GLCE: variants seen among roughly 807,000 people sequenced by gnomAD.
The protein encoded by GLCE is glucuronic acid epimerase.
Under a neutral mutation model 47.9 loss-of-function variants are expected in GLCE, and 19 were observed. That is an observed-to-expected ratio of 0.40 (90% CI 0.28 to 0.58). The LOEUF (loss-of-function observed/expected upper bound fraction) is 0.58. GLCE is among the 20% of genes least tolerant of loss of function. The pLI is 0.48. For synonymous variants in GLCE, 245 were observed against 263.4 expected (o/e 0.93, Z 0.68); for missense variants, 556 against 743.3 (o/e 0.75, Z 2.93).
At chr15:69,243,073 A>G (rs556752749) in intron 2 of GLCE, among the ~76,000 whole-genome samples, 120 of 150,444 alleles carry the variant, frequency 8.0e-4, no homozygotes, top group Middle Eastern at 3.4e-3. Flanking sequence ...AAAAAAAAAA[A>G]AAAGAAAGAA....
intron 3 of GLCE, among the ~76,000 whole-genome samples, chr15:69,260,138 T>C (rs2052990689): frequency 6.6e-6 from 1 of 151,818 alleles, no homozygotes; most frequent in Non-Finnish European, 1.5e-5. Flanking sequence ...TGGTAAAATA[T>C]ACAAACTAAA....
chr15:69,190,864 A>G (rs1487218475), intron 1 of GLCE, among the ~76,000 whole-genome samples: 1 of 151,634 alleles, frequency 6.6e-6, no homozygotes, highest in Non-Finnish European at 1.5e-5. Context: ...TTTTCTTGGC[A>G]TTCTTTTGGA....
intron 1 of GLCE, among the ~76,000 whole-genome samples, chr15:69,205,971 C>T (rs1286832522): frequency 6.6e-6 from 1 of 151,984 alleles, no homozygotes; most frequent in Non-Finnish European, 1.5e-5. Context: ...AACCAAGAAA[C>T]CAACAGGTGC....
intron 1 of GLCE, among the ~76,000 whole-genome samples, chr15:69,171,875 GA>G (rs772494305): frequency 1.3e-5 from 2 of 152,178 alleles, no homozygotes; most frequent in Admixed American, 6.5e-5. Context: ...AAGGGCCGCT[GA>G]AAGAATTTAC....
intron 1 of GLCE, among the ~76,000 whole-genome samples, chr15:69,177,207 C>T (rs545352953): frequency 2.1e-4 from 32 of 151,706 alleles, no homozygotes; most frequent in South Asian, 8.3e-4. Context: ...TTAGTAGAGA[C>T]GGGGTTTCAC....
intron 2 of GLCE, among the ~76,000 whole-genome samples, chr15:69,253,858 A>G (rs2052883288): frequency 6.6e-6 from 1 of 152,228 alleles, no homozygotes; most frequent in African/African-American, 2.4e-5. Flanking sequence ...TAATGATTTA[A>G]GACAGTAAAG....
rs35017106 is a variant in GLCE, at chr15:69,176,216, G to GTTTTTTTTTTTT, written c.-105+15472_-105+15483dup. On this transcript the variant is annotated intron_variant, in intron 1 of 4. Coordinates refer to ENST00000261858, the MANE Select transcript of GLCE (RefSeq NM_015554.3). The stretch of plus-strand genomic sequence containing the variant: ...ATCTAGTAGTTTTCAGTGGAACCTT[G>GTTTTTTTTTTTT]TTTTTTTTTTTTTTTTTTTTTTTTG... Among the ~76,000 whole-genome samples the GTTTTTTTTTTTT allele has an allele frequency of 2.5e-4, 16 of 63,384 alleles. 2 individuals are homozygous for GTTTTTTTTTTTT. Among genetic ancestry groups the GTTTTTTTTTTTT allele is most frequent in the East Asian group, 5.3e-4 (1 of 1,896 alleles). The allele number at this position is 63,384 out of a possible 152,430, so 41.6% of individuals were successfully genotyped here.
Position 69,270,897 on chromosome 15 carries a change from T to C in GLCE, c.*1653T>C, listed in dbSNP as rs1460721683. 1 of 152,218 alleles carries C rather than the reference T, an allele frequency of 6.6e-6. No homozygotes were observed. Among genetic ancestry groups the C allele is most frequent in the Non-Finnish European group, 1.5e-5 (1 of 68,038 alleles). 9.4% of individuals were successfully genotyped at this position (152,218 alleles called of 1,614,324 possible). On this transcript the variant is annotated 3_prime_UTR_variant, in exon 5 of 5. Coordinates refer to ENST00000261858, the MANE Select transcript of GLCE (RefSeq NM_015554.3). ...TGAGTTATTAGGCTTACCCCTAGCT[T>C]TTGACCTTTGCATTTCATATATGTT...
intron 2 of GLCE, among the ~76,000 whole-genome samples, chr15:69,221,818 A>AC (rs1429514584): frequency 1.4e-5 from 2 of 147,944 alleles, no homozygotes; most frequent in Non-Finnish European, 3.0e-5. Context: ...AGCCAGGATC[A>AC]CGCCACTGTA....
intron 2 of GLCE, among the ~76,000 whole-genome samples, chr15:69,232,231 A>G (rs1258953452): frequency 6.6e-6 from 1 of 152,230 alleles, no homozygotes; most frequent in Non-Finnish European, 1.5e-5. Context: ...TAACGAGTGA[A>G]TCTATAGTGT....
intron 1 of GLCE, chr15:69,194,596 G>A (rs953547998): frequency 6.6e-6 from 1 of 152,022 alleles, no homozygotes; most frequent in African/African-American, 2.4e-5. Flanking sequence ...TGTAGGTATG[G>A]GTTCTGGCAG....
intron 3 of GLCE, among the ~76,000 whole-genome samples, chr15:69,259,132 A>G (rs1254500910): frequency 6.6e-6 from 1 of 152,180 alleles, no homozygotes; most frequent in Non-Finnish European, 1.5e-5. Context: ...TCTCTTTAAC[A>G]ACTAGTGAGG....
chr15:69,211,198 A>G (rs2052229039), intron 2 of GLCE, among the ~76,000 whole-genome samples: 1 of 152,032 alleles, frequency 6.6e-6, no homozygotes, highest in South Asian at 2.1e-4. Context: ...GTTAAATACT[A>G]TGCTTATTTT....
intron 2 of GLCE, among the ~76,000 whole-genome samples, chr15:69,212,803 A>G (rs1305423834): frequency 6.6e-6 from 1 of 152,098 alleles, no homozygotes; most frequent in Admixed American, 6.6e-5. Context: ...TTTTCATATA[A>G]CTGTCAGGGC....
intron 1 of GLCE, chr15:69,197,341 A>G (rs2052009054): frequency 4.0e-6 from 1 of 247,382 alleles, no homozygotes; most frequent in Non-Finnish European, 8.2e-6. Flanking sequence ...CCAAGAGTTT[A>G]TCGAATCCCA....
At chr15:69,254,365 A>G (rs948804722) in intron 2 of GLCE, among the ~76,000 whole-genome samples, 8 of 152,216 alleles carry the variant, frequency 5.3e-5, no homozygotes, top group African/African-American at 1.4e-4. Flanking sequence ...AAGAAGCAAC[A>G]GCATCACATT....
intron 2 of GLCE, among the ~76,000 whole-genome samples, chr15:69,243,589 T>C (rs2052705610): frequency 6.9e-6 from 1 of 144,758 alleles, no homozygotes. Flanking sequence ...AAAAAGCCAA[T>C]TTGTGTTGCA....
At chr15:69,191,114 T>G (rs192102443) in intron 1 of GLCE, among the ~76,000 whole-genome samples, 1 of 152,174 alleles carries the variant, frequency 6.6e-6, no homozygotes, top group Admixed American at 6.6e-5. Flanking sequence ...ATAAGAAATA[T>G]CTTTTATAGT....
chr15:69,167,162 G>A (rs1416340372), intron 1 of GLCE, among the ~76,000 whole-genome samples: 3 of 152,180 alleles, frequency 2.0e-5, no homozygotes, highest in Non-Finnish European at 4.4e-5. Flanking sequence ...GTTGCAATGA[G>A]CTGAGATCGC....
Sources: allele counts gnomAD v4.1 joint callset (sites outside exome capture counted in the v4.1 genomes callset), GRCh38; gene constraint gnomAD v4.1.1; transcripts MANE v1.5; gene names NCBI Gene and HGNC (gene_info 2026-07-23, HGNC 2026-07-21).